TMEM272: variants seen among roughly 807,000 people sequenced by gnomAD.
TMEM272 encodes long intergenic non-protein coding RNA 282.
TMEM272 carries 8 observed loss-of-function variants against 3.7 expected under a neutral mutation model. The ratio of observed to expected loss-of-function variants is 2.17; its 90% CI spans 1.27 to 3.91. TMEM272 has a LOEUF of 3.91. TMEM272 is among the 30% of genes most tolerant of loss of function. The pLI is 0.00. For synonymous variants in TMEM272, 63 were observed against 39.8 expected (o/e 1.58, Z -2.20); for missense variants, 166 against 91.5 (o/e 1.81, Z -3.32).
chr13:51,829,900 T>G (rs556544718), intron 2 of TMEM272, among the ~76,000 whole-genome samples: 2 of 152,284 alleles, frequency 1.3e-5, no homozygotes, highest in Admixed American at 6.5e-5. Context: ...CCCCTTTTCC[T>G]TCTTAAAAGT....
chr13:51,835,475 C>T (rs907116285), intron 2 of TMEM272, among the ~76,000 whole-genome samples: 4 of 152,134 alleles, frequency 2.6e-5, no homozygotes, highest in East Asian at 3.9e-4. Context: ...CTGCTCGCCT[C>T]GGTCTCCCAA....
upstream of TMEM272, among the ~76,000 whole-genome samples, chr13:51,849,154 TAGTTCAC>T (rs1379541704): frequency 6.6e-6 from 1 of 152,144 alleles, no homozygotes; most frequent in Non-Finnish European, 1.5e-5. Flanking sequence ...GTCCCACAAC[TAGTTCAC>T]AGTCAGGAAG....
chr13:51,922,577 C>G, the TMEM272 span, among the ~76,000 whole-genome samples: 2 of 152,174 alleles, frequency 1.3e-5, no homozygotes, highest in Non-Finnish European at 2.9e-5. Context: ...TGCAGAAGAG[C>G]TTAGGTGGGT....
the TMEM272 span, among the ~76,000 whole-genome samples, chr13:51,928,301 C>G: frequency 6.6e-6 from 1 of 152,178 alleles, no homozygotes; most frequent in Non-Finnish European, 1.5e-5. Flanking sequence ...TCCTAGAATA[C>G]AGACATCATC....
chr13:51,904,749 G>T, the TMEM272 span, among the ~76,000 whole-genome samples: 11 of 152,324 alleles, frequency 7.2e-5, no homozygotes, highest in African/African-American at 2.6e-4. Flanking sequence ...GTTTGGGAAT[G>T]CTCAACCAGC....
At chr13:51,829,129 T>C (rs1956151269) in intron 2 of TMEM272, among the ~76,000 whole-genome samples, 2 of 152,244 alleles carry the variant, frequency 1.3e-5, no homozygotes, top group African/African-American at 4.8e-5. Context: ...AAAAACAAAA[T>C]GTGTATGAGA....
rs1956095486 is a variant in TMEM272 at position 51,823,278 on chromosome 13, T to C, written c.119-1141A>G. On this transcript the variant is annotated intron_variant, in intron 3 of 4. Coordinates refer to ENST00000629372, the MANE Select transcript of TMEM272 (RefSeq NM_001351003.2). ...TTTCTTGTAGAGAAGAAGGACTCACTATGTTGCCCAGCTTGTTCTCAAACT... is the reference window on the plus strand; with the variant it reads ...TTTCTTGTAGAGAAGAAGGACTCACCATGTTGCCCAGCTTGTTCTCAAACT... 2.6e-5 allele frequency among the ~76,000 whole-genome samples: 4 copies of C among 152,226 alleles called. No homozygotes were observed. The South Asian group carries it at 8.3e-4, about 31-fold the overall frequency.
chr13:51,923,745 G>A, the TMEM272 span, among the ~76,000 whole-genome samples: 2 of 150,544 alleles, frequency 1.3e-5, no homozygotes, highest in African/African-American at 4.9e-5. Context: ...AGGAAGGGGA[G>A]GGGAGGGGAA....
chr13:51,885,378 G>A, the TMEM272 span, among the ~76,000 whole-genome samples: 2 of 152,158 alleles, frequency 1.3e-5, no homozygotes, highest in Non-Finnish European at 2.9e-5. Context: ...CATGGTGGAA[G>A]GCACCTCTTC....
At chr13:51,818,820 T>G (rs1306043297) in intron 4 of TMEM272, among the ~76,000 whole-genome samples, 1 of 152,168 alleles carries the variant, frequency 6.6e-6, no homozygotes, top group Non-Finnish European at 1.5e-5. Context: ...TGTGTGATCT[T>G]TAATGTCCAT....
At chr13:51,817,215 G>C (rs1956040407) in intron 4 of TMEM272, 102 bp from the exon 5 acceptor site, 1 of 608,358 alleles carries the variant, frequency 1.6e-6, no homozygotes, top group South Asian at 1.9e-5. Flanking sequence ...CAGGGAGAGA[G>C]AAAGAGGAGA....
the TMEM272 span, among the ~76,000 whole-genome samples, chr13:51,882,853 A>G: frequency 6.6e-6 from 1 of 152,246 alleles, no homozygotes; most frequent in South Asian, 2.1e-4. Context: ...GCCAGCCAGA[A>G]ATGTCTGCAG....
At chr13:51,899,101 G>T in the TMEM272 span, among the ~76,000 whole-genome samples, 171 of 152,288 alleles carry the variant, frequency 1.1e-3, no homozygotes, top group African/African-American at 3.9e-3. Flanking sequence ...CAGATGATAT[G>T]ATCTCTTATC....
At chr13:51,829,932 G>A (rs1426730071) in intron 2 of TMEM272, among the ~76,000 whole-genome samples, 1 of 152,198 alleles carries the variant, frequency 6.6e-6, no homozygotes, top group East Asian at 1.9e-4. Flanking sequence ...GCCCCACATA[G>A]AGGATGTCCT....
the TMEM272 span, among the ~76,000 whole-genome samples, chr13:51,873,168 G>A: frequency 6.6e-6 from 1 of 152,244 alleles, no homozygotes; most frequent in Non-Finnish European, 1.5e-5. Context: ...GAACATTGCT[G>A]GAGGAGAGTT....
chr13:51,856,077 A>T, the TMEM272 span, among the ~76,000 whole-genome samples: 1 of 152,206 alleles, frequency 6.6e-6, no homozygotes, highest in African/African-American at 2.4e-5. Context: ...GTTTTTATAG[A>T]TGATTTGGTG....
At chr13:51,876,605 T>C in the TMEM272 span, among the ~76,000 whole-genome samples, 3 of 152,224 alleles carry the variant, frequency 2.0e-5, no homozygotes, top group Non-Finnish European at 4.4e-5. Flanking sequence ...ATCCTCATGA[T>C]TCTAAAATGG....
the TMEM272 span, among the ~76,000 whole-genome samples, chr13:51,917,579 C>T: frequency 5.3e-5 from 8 of 152,144 alleles, no homozygotes; most frequent in Non-Finnish European, 1.0e-4. Context: ...CTACTGAGGA[C>T]AGGTGCTACC....
the TMEM272 span, among the ~76,000 whole-genome samples, chr13:51,923,275 G>C: frequency 1.1e-4 from 16 of 152,222 alleles, no homozygotes; most frequent in African/African-American, 3.9e-4. Flanking sequence ...GATCTGGGCT[G>C]CGACTCAGTC....
Sources: gnomAD v4.1 joint callset for allele counts (sites outside exome capture counted in the v4.1 genomes callset) on GRCh38, gnomAD v4.1.1 for gene constraint, MANE v1.5 for transcripts, NCBI Gene and HGNC (gene_info 2026-07-23, HGNC 2026-07-21) for gene names.